Variants in SYT16 observed in about 807,000 individuals in gnomAD.
SYT16 encodes the protein synaptotagmin 16, also known as synaptotagmin-16.
Under a neutral mutation model 61.4 loss-of-function variants are expected in SYT16, and 42 were observed. That is an observed-to-expected ratio of 0.68 (90% CI 0.53 to 0.89). The LOEUF is 0.89. Ranked by LOEUF, SYT16 falls within the 40% of genes least tolerant of loss-of-function variation. The pLI is 0.00. For synonymous variants in SYT16, 314 were observed against 302.3 expected (o/e 1.04, Z -0.40); for missense variants, 804 against 807.3 (o/e 1.00, Z 0.05).
intron 4 of SYT16, 35 bp downstream of exon 4, chr14:62,069,850 G>C (rs779357271): frequency 1.2e-6 from 2 of 1,606,486 alleles, no homozygotes; most frequent in South Asian, 2.2e-5. Flanking sequence ...TTTAGACCAG[G>C]GATGGCCAAT....
chr14:61,845,770 A>G (rs948866964), intron 1 of SYT16, among the ~76,000 whole-genome samples: 1 of 151,948 alleles, frequency 6.6e-6, no homozygotes, highest in Non-Finnish European at 1.5e-5. Context: ...TAGGTTGTTT[A>G]TTTGAAATTT....
intron 3 of SYT16, among the ~76,000 whole-genome samples, chr14:62,027,979 A>G (rs969856920): frequency 6.6e-5 from 10 of 152,080 alleles, no homozygotes; most frequent in African/African-American, 2.4e-4. Context: ...GGAAAGAGAA[A>G]CCTCTGAGTT....
chr14:61,998,860 C>A (rs1319971179), intron 3 of SYT16, among the ~76,000 whole-genome samples: 1 of 151,410 alleles, frequency 6.6e-6, no homozygotes, highest in Non-Finnish European at 1.5e-5. Context: ...AGAGTTTTAT[C>A]AAAAAAAGGA....
intron 1 of SYT16, among the ~76,000 whole-genome samples, chr14:61,863,978 T>C (rs1475680827): frequency 2.0e-5 from 3 of 152,264 alleles, no homozygotes; most frequent in Non-Finnish European, 4.4e-5. Context: ...CGATTTATTC[T>C]TTCACCAATG....
chr14:61,845,497 C>A (rs1347662570), intron 1 of SYT16, among the ~76,000 whole-genome samples: 1 of 152,176 alleles, frequency 6.6e-6, no homozygotes, highest in Non-Finnish European at 1.5e-5. Flanking sequence ...TTGCTCATAG[C>A]AGCCACTAAT....
At chr14:61,988,730 T>C (rs2052423659) in intron 2 of SYT16, among the ~76,000 whole-genome samples, 1 of 152,200 alleles carries the variant, frequency 6.6e-6, no homozygotes, top group South Asian at 2.1e-4. Flanking sequence ...TTTGAAGAGT[T>C]CCATTAGTGA....
At chr14:61,842,084 A>G (rs973989160) in intron 1 of SYT16, among the ~76,000 whole-genome samples, 1 of 152,182 alleles carries the variant, frequency 6.6e-6, no homozygotes, top group African/African-American at 2.4e-5. Flanking sequence ...TTTGTGGGGT[A>G]CATGAGAGGT....
chr14:61,960,609 A>G (rs2051078078), intron 1 of SYT16, among the ~76,000 whole-genome samples: 1 of 152,136 alleles, frequency 6.6e-6, no homozygotes, highest in Non-Finnish European at 1.5e-5. Context: ...GGCAGAGACT[A>G]TGGGGTTTTC....
At chr14:61,838,299 C>G (rs1241315785) in intron 1 of SYT16, among the ~76,000 whole-genome samples, 1 of 152,104 alleles carries the variant, frequency 6.6e-6, no homozygotes, top group Non-Finnish European at 1.5e-5. Context: ...TGGTACAGTG[C>G]CATAAATTTG....
At chr14:62,079,663 A>G (rs551730063) in intron 5 of SYT16, among the ~76,000 whole-genome samples, 2 of 152,378 alleles carry the variant, frequency 1.3e-5, no homozygotes, top group Admixed American at 6.5e-5. Flanking sequence ...CTGGTGTTCA[A>G]TTGCATAAAT....
chr14:62,049,764 G>C (rs1237091630), intron 3 of SYT16, among the ~76,000 whole-genome samples: 2 of 152,152 alleles, frequency 1.3e-5, no homozygotes, highest in African/African-American at 4.8e-5. Flanking sequence ...ATGAAATTCT[G>C]GGTTGAAAAT....
intron 1 of SYT16, among the ~76,000 whole-genome samples, chr14:61,926,517 A>C (rs1307886221): frequency 6.6e-6 from 1 of 152,170 alleles, no homozygotes; most frequent in Non-Finnish European, 1.5e-5. Flanking sequence ...TGACCAGGAG[A>C]ATAAGAGTGT....
chr14:61,973,325 A>G (rs1489572611), intron 2 of SYT16, among the ~76,000 whole-genome samples: 1 of 152,232 alleles, frequency 6.6e-6, no homozygotes, highest in Non-Finnish European at 1.5e-5. Context: ...TAACATAGGT[A>G]ATAGTAATAA....
chr14:61,967,575 A>G (rs911441247), intron 1 of SYT16, among the ~76,000 whole-genome samples: 1 of 152,094 alleles, frequency 6.6e-6, no homozygotes, highest in Non-Finnish European at 1.5e-5. Flanking sequence ...TGTAACTCGA[A>G]TCTCTGCCCT....
At chr14:61,856,468 A>T (rs529384758) in intron 1 of SYT16, among the ~76,000 whole-genome samples, 1 of 152,334 alleles carries the variant, frequency 6.6e-6, no homozygotes, top group African/African-American at 2.4e-5. Context: ...AACAGACAGG[A>T]TTTGCAGACA....
intron 1 of SYT16, among the ~76,000 whole-genome samples, chr14:61,855,856 T>C (rs1012640787): frequency 3.9e-5 from 6 of 152,250 alleles, no homozygotes; most frequent in Admixed American, 3.9e-4. Context: ...GAGGGTCCAG[T>C]CCTTTTGTAA....
At chr14:61,834,428 C>CTTTTTTTTT (rs35260303) in intron 1 of SYT16, among the ~76,000 whole-genome samples, 1 of 76,878 alleles carries the variant, frequency 1.3e-5, no homozygotes, top group African/African-American at 6.5e-5. Flanking sequence ...CCGTGCCTGG[C>CTTTTTTTTT]TTTTTTTTTT....
At chr14:62,017,048 A>T (rs900760552) in intron 3 of SYT16, among the ~76,000 whole-genome samples, 1 of 152,196 alleles carries the variant, frequency 6.6e-6, no homozygotes, top group Non-Finnish European at 1.5e-5. Flanking sequence ...AAAGTAGAAG[A>T]CTTGAGGAGA....
intron 1 of SYT16, among the ~76,000 whole-genome samples, chr14:61,886,813 T>C (rs2047916516): frequency 6.6e-6 from 1 of 152,118 alleles, no homozygotes; most frequent in African/African-American, 2.4e-5. Flanking sequence ...CAGAAGGTTT[T>C]AATATGGTAG....
Sources: gnomAD v4.1 joint callset for allele counts (sites outside exome capture counted in the v4.1 genomes callset) on GRCh38, gnomAD v4.1.1 for gene constraint, MANE v1.5 for transcripts, NCBI Gene and HGNC (gene_info 2026-07-23, HGNC 2026-07-21) for gene names.